CDH4: variants seen among roughly 807,000 people sequenced by gnomAD.
CDH4 encodes cadherin 4, also known as cadherin-4.
CDH4 carries 33 observed loss-of-function variants against 86.0 expected under a neutral mutation model. That is an observed-to-expected ratio of 0.38 (90% confidence interval 0.29 to 0.51). The LOEUF (loss-of-function observed/expected upper bound fraction) is 0.51. Among genes scored for constraint, CDH4 ranks in the 20% least tolerant of loss-of-function variants. CDH4 has a pLI of 0.86. For synonymous variants in CDH4, 555 were observed against 549.4 expected (o/e 1.01, Z -0.14); for missense variants, 1,114 against 1,307.4 (o/e 0.85, Z 2.28).
intron 2 of CDH4, among the ~76,000 whole-genome samples, chr20:61,405,665 A>G (rs1366107831): frequency 6.6e-6 from 1 of 151,704 alleles, no homozygotes; most frequent in Non-Finnish European, 1.5e-5. Context: ...AGGTCTGGCT[A>G]TATATATTAT....
intron 4 of CDH4, among the ~76,000 whole-genome samples, chr20:61,835,015 A>G (rs1981800561): frequency 6.6e-6 from 1 of 152,232 alleles, no homozygotes; most frequent in Non-Finnish European, 1.5e-5. Context: ...CTAAGCTTAC[A>G]GTCCAGTGGG....
At position 61,937,218 on chromosome 20, in the gene CDH4, TAAA is replaced by T. The variant is rs11476350; in HGVS notation, c.*292_*294del. 8.7e-5 allele frequency: 9 copies of T among 103,182 alleles called. No individual in the cohort carries two copies. The highest frequency in any genetic ancestry group is 1.3e-4 in the African/African-American group (3 of 23,952). 6.4% of individuals were successfully genotyped at this position (103,182 alleles called of 1,614,324 possible). A position where few individuals can be genotyped will look rare whatever the true frequency, so the allele number is the denominator to read the frequency against. Reference sequence around the variant, plus strand: ...TTTCCTAGAACAGAAGCACTGTTTTTAAAAAAAAAAAAAAAAAAAGAAGAAAGA... The same window carrying T: ...TTTCCTAGAACAGAAGCACTGTTTTTAAAAAAAAAAAAAAAAGAAGAAAGA... On this transcript the variant is annotated 3_prime_UTR_variant, in exon 16 of 16. Coordinates refer to ENST00000614565, the MANE Select transcript of CDH4 (RefSeq NM_001794.5).
In CDH4 at chr20:61,516,354, A is replaced by G. The variant is rs1600723823; in HGVS notation, c.170-227209A>G. 1.3e-5 allele frequency among the ~76,000 whole-genome samples: 2 copies of G among 152,254 alleles called. No homozygotes were observed. The highest frequency in any genetic ancestry group is 4.2e-4 in the South Asian group (2 of 4,814). On this transcript the variant is annotated intron_variant, in intron 2 of 15. Coordinates refer to ENST00000614565, the MANE Select transcript of CDH4 (RefSeq NM_001794.5). This position sits in a 1 kb window ranked among gnomAD's most constrained non-coding sequence, Gnocchi z 4.0. ...TGGTCCCTGAGCAGTCATGGGACCA[A>G]CATCTGTCACACACATACAGAGCCC... is the stretch of plus-strand genomic sequence containing the variant.
At chr20:61,639,597 T>G (rs559472447) in intron 2 of CDH4, among the ~76,000 whole-genome samples, 4 of 152,282 alleles carry the variant, frequency 2.6e-5, no homozygotes, top group African/African-American at 9.6e-5. Context: ...AGTGCAACAT[T>G]ATTGTGGGGC....
At chr20:61,640,777 T>A (rs6061689) in intron 2 of CDH4, among the ~76,000 whole-genome samples, 26,404 of 152,226 alleles carry the variant, frequency 0.17, 2,427 homozygotes, top group South Asian at 0.27. Flanking sequence ...CAGCGGAGAT[T>A]AATTAAACAT....
intron 2 of CDH4, among the ~76,000 whole-genome samples, chr20:61,618,849 G>A (rs2086746861): frequency 6.6e-6 from 1 of 152,180 alleles, no homozygotes; most frequent in African/African-American, 2.4e-5. Flanking sequence ...GGGGCCAACG[G>A]GGTGACTTTC....
At chr20:61,849,756 C>T (rs1008131042) in intron 5 of CDH4, among the ~76,000 whole-genome samples, 9 of 152,214 alleles carry the variant, frequency 5.9e-5, no homozygotes, top group East Asian at 1.9e-4. Flanking sequence ...ATAGGATGCC[C>T]GCATGCCCTT....
At chr20:61,334,295 T>A (rs1201023058) in intron 2 of CDH4, among the ~76,000 whole-genome samples, 1 of 152,170 alleles carries the variant, frequency 6.6e-6, no homozygotes, top group Non-Finnish European at 1.5e-5. Flanking sequence ...TAATCACAGG[T>A]AAGTCTCACA....
intron 2 of CDH4, among the ~76,000 whole-genome samples, chr20:61,442,233 G>A (rs2085318109): frequency 2.6e-5 from 4 of 152,180 alleles, no homozygotes; most frequent in Admixed American, 2.6e-4. Flanking sequence ...GGGCAAGCTG[G>A]CTCATGCCAC....
intron 7 of CDH4, among the ~76,000 whole-genome samples, chr20:61,874,956 G>A (rs1208926430): frequency 6.6e-6 from 1 of 152,188 alleles, no homozygotes; most frequent in Non-Finnish European, 1.5e-5. Flanking sequence ...GCTCCAAGTT[G>A]GCGGCTTCTG....
chr20:61,353,762 C>CCCTCCCCCTCCCCCTCCTCCCT (rs1555840046), intron 2 of CDH4, among the ~76,000 whole-genome samples: 1 of 138,774 alleles, frequency 7.2e-6, no homozygotes, highest in South Asian at 2.7e-4. Flanking sequence ...CGATGATTCA[C>CCCTCCCCCTCCCCCTCCTCCCT]CCCAGTTCAC....
At chr20:61,691,985 T>C (rs1191129669) in intron 2 of CDH4, among the ~76,000 whole-genome samples, 1 of 152,234 alleles carries the variant, frequency 6.6e-6, no homozygotes, top group Non-Finnish European at 1.5e-5. Flanking sequence ...AAATAAACCC[T>C]TGCTGTTTTT....
At chr20:61,373,569 G>C (rs376159945) in intron 2 of CDH4, among the ~76,000 whole-genome samples, 2 of 152,226 alleles carry the variant, frequency 1.3e-5, no homozygotes, top group Admixed American at 1.3e-4. Context: ...AGCAGACAAA[G>C]CTGTAGCAAT....
At chr20:61,721,924 T>C (rs1015182570) in intron 2 of CDH4, among the ~76,000 whole-genome samples, 1 of 152,110 alleles carries the variant, frequency 6.6e-6, no homozygotes, top group African/African-American at 2.4e-5. Context: ...ACACTCTCCA[T>C]TGGCCCTTTC....
chr20:61,868,641 AG>A (rs1472843468), intron 6 of CDH4, among the ~76,000 whole-genome samples: 1 of 151,686 alleles, frequency 6.6e-6, no homozygotes, highest in Non-Finnish European at 1.5e-5. Flanking sequence ...CTCCATGCTA[AG>A]CGGTGTCCTC....
intron 2 of CDH4, among the ~76,000 whole-genome samples, chr20:61,613,952 C>A (rs1179284915): frequency 6.6e-6 from 1 of 152,038 alleles, no homozygotes; most frequent in Non-Finnish European, 1.5e-5. Context: ...GTCTTGGGTT[C>A]CTTGTGATTG....
chr20:61,340,808 G>A (rs1454659303), intron 2 of CDH4, among the ~76,000 whole-genome samples: 1 of 152,092 alleles, frequency 6.6e-6, no homozygotes, highest in Non-Finnish European at 1.5e-5. Context: ...TAGTTTCTTA[G>A]CCCACTGGGT....
rs1045060986 is a variant in CDH4 at position 61,427,250 on chromosome 20, G to A, written c.169+172313G>A. Among the ~76,000 whole-genome samples, 213 of 152,278 alleles carry A rather than the reference G, an allele frequency of 1.4e-3. 1 individual carries two copies. Among genetic ancestry groups the A allele is most frequent in the Non-Finnish European group, 2.1e-4 (14 of 68,012 alleles). On this transcript the variant is annotated intron_variant, in intron 2 of 15. Coordinates refer to ENST00000614565, the MANE Select transcript of CDH4 (RefSeq NM_001794.5). ...CCTGTGTGTGCAGGGAGCTGACCCT[G>A]CTCTGACCTTTACTGTCTCTTTTGC...
At chr20:61,371,573 G>C (rs1234338668) in intron 2 of CDH4, among the ~76,000 whole-genome samples, 2 of 152,212 alleles carry the variant, frequency 1.3e-5, no homozygotes, top group Admixed American at 1.3e-4. Context: ...CAGCCTTTCA[G>C]CTCATTCTGC....
Sources: gnomAD v4.1 joint callset for allele counts (sites outside exome capture counted in the v4.1 genomes callset) on GRCh38, gnomAD v4.1.1 for gene constraint, Gnocchi (gnomAD v3.1) non-coding constraint, MANE v1.5 for transcripts, NCBI Gene and HGNC (gene_info 2026-07-23, HGNC 2026-07-21) for gene names.